The following COL10A1 variants were observed in gnomAD, a reference collection of about 807,000 sequenced individuals.
The protein encoded by COL10A1 is collagen alpha-1(X) chain.
In COL10A1, 10 loss-of-function variants were observed where a neutral mutation model predicts 18.2. The observed-to-expected ratio is 0.55, with a 90% CI of 0.34 to 0.93. COL10A1 has a LOEUF of 0.93. COL10A1 is among the 40% of genes least tolerant of loss of function. COL10A1 has a pLI of 0.02. For missense variants in COL10A1, 897 were observed against 853.5 expected (o/e 1.05, Z -0.64); for synonymous variants, 330 against 316.6 (o/e 1.04, Z -0.45).
chr6:116,143,418 T>A (rs1206689531), intron 1 of COL10A1, among the ~76,000 whole-genome samples: 1 of 152,182 alleles, frequency 6.6e-6, no homozygotes, highest in Non-Finnish European at 1.5e-5. Flanking sequence ...TTCACCATGT[T>A]GGCCAGGATG....
chr6:116,164,095 A>T, the COL10A1 span, among the ~76,000 whole-genome samples: 2 of 152,210 alleles, frequency 1.3e-5, no homozygotes, highest in African/African-American at 4.8e-5. Context: ...AATGTTCTTT[A>T]GGTGTCTATC....
chr6:116,176,206 G>A, the COL10A1 span, among the ~76,000 whole-genome samples: 1 of 152,176 alleles, frequency 6.6e-6, no homozygotes, highest in Admixed American at 6.6e-5. Flanking sequence ...AGTGCTTAGG[G>A]ATGCTGTGCT....
chr6:116,120,081 G>A lies in COL10A1; in HGVS notation c.2035C>T (p.Pro679Ser). ...ATTAGCTCTGTGTGTACTCACATTG[G>A]AGCCACTAGGAATCCTGAGAAAGAG... ...HSSFSGFLVAPM is the reference protein window; with the variant it reads ...HSSFSGFLVASM The change falls in exon 3 of 3, where the codon CCA becomes TCA. Residue 679 changes from proline (P) to serine (S), a missense_variant. Physicochemically the swap from Pro to Ser is moderately conservative, Grantham distance 74. Transcript: ENST00000651968. 6.2e-7 allele frequency: 1 copy of A among 1,613,554 alleles called. No individual in the cohort carries two copies. Among genetic ancestry groups the A allele is most frequent in the Non-Finnish European group, 8.5e-7 (1 of 1,179,712 alleles).
chr6:116,179,809 C>T, the COL10A1 span, among the ~76,000 whole-genome samples: 1 of 151,996 alleles, frequency 6.6e-6, no homozygotes, highest in South Asian at 2.1e-4. Flanking sequence ...TTAGAGTAAT[C>T]TTATTTCTTT....
chr6:116,195,928 A>C, the COL10A1 span, among the ~76,000 whole-genome samples: 1 of 152,002 alleles, frequency 6.6e-6, no homozygotes. Flanking sequence ...ATGGAGAGAG[A>C]TTCCTGCCTC....
At chr6:116,179,638 T>A in the COL10A1 span, among the ~76,000 whole-genome samples, 1 of 152,134 alleles carries the variant, frequency 6.6e-6, no homozygotes, top group Non-Finnish European at 1.5e-5. Flanking sequence ...TTCCCAGTGT[T>A]ATCAAAAAGA....
At chr6:116,214,470 A>G in the COL10A1 span, among the ~76,000 whole-genome samples, 165 of 152,220 alleles carry the variant, frequency 1.1e-3, no homozygotes, top group African/African-American at 3.7e-3. Flanking sequence ...AGGAGAAAAA[A>G]GGCTTTCAAA....
the COL10A1 span, among the ~76,000 whole-genome samples, chr6:116,205,188 T>A: frequency 4.6e-5 from 7 of 152,088 alleles, no homozygotes; most frequent in East Asian, 1.4e-3. Context: ...CTAAAAACCA[T>A]GTCTTCAGGC....
At chr6:116,130,996 C>G (rs530312928), upstream of COL10A1, among the ~76,000 whole-genome samples, 1 of 152,306 alleles carries the variant, frequency 6.6e-6, no homozygotes, top group East Asian at 1.9e-4. Context: ...ATACTGCCCA[C>G]TCAATTCACT....
At chr6:116,178,088 TGCGCGCGC>T in the COL10A1 span, among the ~76,000 whole-genome samples, 1 of 99,624 alleles carries the variant, frequency 1.0e-5, no homozygotes, top group Non-Finnish European at 2.1e-5. Flanking sequence ...TGTGTGTGTG[TGCGCGCGC>T]GCGCGCGTGC....
At chr6:116,188,022 G>A in the COL10A1 span, among the ~76,000 whole-genome samples, 1 of 151,944 alleles carries the variant, frequency 6.6e-6, no homozygotes, top group Non-Finnish European at 1.5e-5. Context: ...CAACCCAGTA[G>A]AAAATGAACA....
the COL10A1 span, among the ~76,000 whole-genome samples, chr6:116,206,859 G>A: frequency 4.0e-5 from 6 of 151,840 alleles, no homozygotes; most frequent in African/African-American, 1.5e-4. Flanking sequence ...TACACATAGG[G>A]CATTTAGTGT....
intron 1 of COL10A1, among the ~76,000 whole-genome samples, chr6:116,149,895 G>A (rs977510949): frequency 6.6e-6 from 1 of 152,202 alleles, no homozygotes; most frequent in African/African-American, 2.4e-5. Flanking sequence ...GGACTTAACG[G>A]CTTTTTATCT....
chr6:116,192,420 C>T, the COL10A1 span, among the ~76,000 whole-genome samples: 1 of 151,918 alleles, frequency 6.6e-6, no homozygotes, highest in Non-Finnish European at 1.5e-5. Context: ...ATATTCCCCT[C>T]CATTATTTTA....
the COL10A1 span, among the ~76,000 whole-genome samples, chr6:116,196,244 T>G: frequency 0.04 from 6,012 of 152,152 alleles, 160 homozygotes; most frequent in Non-Finnish European, 0.058. Flanking sequence ...ATTCCATTTT[T>G]TAACTGATAG....
the COL10A1 span, among the ~76,000 whole-genome samples, chr6:116,212,980 G>T: frequency 3.3e-5 from 5 of 152,074 alleles, no homozygotes; most frequent in African/African-American, 1.2e-4. Flanking sequence ...AAACAATTTA[G>T]AGCCTGTTTA....
chr6:116,200,098 C>A, the COL10A1 span, among the ~76,000 whole-genome samples: 1 of 151,938 alleles, frequency 6.6e-6, no homozygotes, highest in Non-Finnish European at 1.5e-5. Context: ...ATAGTATATA[C>A]CCTTAATATA....
chr6:116,164,206 T>C, the COL10A1 span, among the ~76,000 whole-genome samples: 2 of 152,190 alleles, frequency 1.3e-5, no homozygotes. Flanking sequence ...CCCACTATTA[T>C]TGTATGGCTT....
At chr6:116,207,370 C>CA in the COL10A1 span, among the ~76,000 whole-genome samples, 138,056 of 151,406 alleles carry the variant, frequency 0.91, 63,210 homozygotes, top group East Asian at 1. Flanking sequence ...AGAGAGAAAG[C>CA]AAAAAAAATC....
Sources: gnomAD v4.1 joint callset for allele counts (sites outside exome capture counted in the v4.1 genomes callset) on GRCh38, gnomAD v4.1.1 for gene constraint, MANE v1.5 for transcripts, NCBI Gene and HGNC (gene_info 2026-07-23, HGNC 2026-07-21) for gene names.